Variants in KCNQ1 observed in about 807,000 individuals in gnomAD.
The protein encoded by KCNQ1 is potassium voltage-gated channel subfamily Q member 1.
A neutral mutation model predicts 72.4 loss-of-function variants in KCNQ1; 49 were observed. The observed-to-expected ratio is 0.68, with a 90% CI of 0.54 to 0.86. The LOEUF is 0.86. Ranked by LOEUF, KCNQ1 falls within the 40% of genes least tolerant of loss-of-function variation. The pLI is 0.00. For missense variants in KCNQ1, 790 were observed against 945.1 expected (o/e 0.84, Z 2.15); for synonymous variants, 450 against 412.6 (o/e 1.09, Z -1.10).
At position 2,547,158 on chromosome 11, in the gene KCNQ1, C is replaced by CT. The variant is rs1847911755; in HGVS notation, c.477+19141dup. On this transcript the variant is annotated intron_variant, in intron 2 of 15. Transcript: ENST00000155840. The surrounding 1 kb of genome is among the most constrained non-coding windows in gnomAD (Gnocchi z 4.2). ...AATTACGTGTATTTTGTCACGGTTGCTGTTGTAGTTTTCTTTACAATATGT... is the reference window on the plus strand; with the variant it reads ...AATTACGTGTATTTTGTCACGGTTGCTTGTTGTAGTTTTCTTTACAATATGT... Among the ~76,000 whole-genome samples the CT allele has an allele frequency of 6.6e-6, 1 of 152,142 alleles. No individual in the cohort carries two copies. Among genetic ancestry groups the CT allele is most frequent in the African/African-American group, 2.4e-5 (1 of 41,424 alleles).
chr11:2,521,344 C>A, intron 1 of KCNQ1: 1 of 352,636 alleles, frequency 2.8e-6, no homozygotes, highest in Non-Finnish European at 5.8e-6. Context: ...CTGCTCTGGG[C>A]CTTTGCGCTT....
intron 1 of KCNQ1, among the ~76,000 whole-genome samples, chr11:2,502,271 T>C (rs1847029220): frequency 6.6e-6 from 1 of 152,204 alleles, no homozygotes; most frequent in South Asian, 2.1e-4. Context: ...TGTTTGCAGA[T>C]GATGTGGTCT....
At position 2,815,236 on chromosome 11, in the gene KCNQ1, G is replaced by C. The variant is rs775340677; in HGVS notation, c.1795-32531G>C. 4.0e-4 allele frequency among the ~76,000 whole-genome samples: 61 copies of C among 152,236 alleles called. No homozygotes were observed. The highest frequency in any genetic ancestry group is 8.5e-4 in the Non-Finnish European group (58 of 67,996). On this transcript the variant is annotated intron_variant, in intron 15 of 15. Coordinates refer to ENST00000155840, the MANE Select transcript of KCNQ1 (RefSeq NM_000218.3). This position sits in a 1 kb window ranked among gnomAD's most constrained non-coding sequence, Gnocchi z 5.4. ...AACCTGGGCAGCCTTTATTCTCTAG[G>C]GGCCTTGGGGGTGTCTAGGCTGCCA...
rs972556930 is a variant in KCNQ1, at chr11:2,817,189, C to T, written c.1795-30578C>T. Among the ~76,000 whole-genome samples the T allele has an allele frequency of 1.3e-5, 2 of 152,250 alleles. No individual in the cohort carries two copies. The highest frequency in any genetic ancestry group is 4.8e-5 in the African/African-American group (2 of 41,476). On this transcript the variant is annotated intron_variant, in intron 15 of 15. Coordinates refer to ENST00000155840, the MANE Select transcript of KCNQ1 (RefSeq NM_000218.3). The surrounding 1 kb of genome is among the most constrained non-coding windows in gnomAD (Gnocchi z 6.1). ...TCCTTTCAAGGGTTAACGGTGCAAG[C>T]TCCTCACGGCACCAGTGCGCTTGCC...
intron 11 of KCNQ1, chr11:2,688,904 A>C (rs1286919806): frequency 2.5e-6 from 1 of 398,896 alleles, no homozygotes; most frequent in Non-Finnish European, 4.4e-6. Context: ...AGGTGGGGCT[A>C]GGGCCACCCC....
chr11:2,662,093 C>T lies in KCNQ1; in HGVS notation c.1514+12C>T, dbSNP rs983911530. On this transcript the variant is annotated intron_variant, in intron 11 of 15. Coordinates refer to ENST00000155840, the MANE Select transcript of KCNQ1 (RefSeq NM_000218.3). ...ACCCACATCTCACAGTGAGTGCCTA[C>T]ATGTGCGTGAAGGGCTGGGCTGGAG... 7 of 1,614,052 alleles carry T rather than the reference C, an allele frequency of 4.3e-6. No homozygotes were observed. The highest frequency in any genetic ancestry group is 5.1e-6 in the Non-Finnish European group (6 of 1,180,042).
intron 3 of KCNQ1, 128 bp downstream of exon 3, chr11:2,570,882 G>A (rs1848323947): frequency 3.8e-6 from 5 of 1,299,360 alleles, no homozygotes; most frequent in Non-Finnish European, 5.4e-6. Flanking sequence ...GGGGGTGACT[G>A]CCCAGGACCC....
chr11:2,562,412 G>A lies in KCNQ1; in HGVS notation c.478-8216G>A, dbSNP rs573113961. Among the ~76,000 whole-genome samples the A allele has an allele frequency of 6.6e-5, 10 of 152,310 alleles. No individual in the cohort carries two copies. Among genetic ancestry groups the A allele is most frequent in the African/African-American group, 2.4e-4 (10 of 41,568 alleles). ...GCTGACCCTCCCCGGAGCCGAGGCT[G>A]GCTCTCTCTGTGGCTTATCAGGGCC... On this transcript the variant is annotated intron_variant, in intron 2 of 15. Transcript: ENST00000155840. The surrounding 1 kb of genome is among the most constrained non-coding windows in gnomAD (Gnocchi z 7.5).
At chr11:2,635,463 G>C (rs956320813) in intron 10 of KCNQ1, 1 of 152,122 alleles carries the variant, frequency 6.6e-6, no homozygotes, top group African/African-American at 2.4e-5. Flanking sequence ...TCTTGTTTCT[G>C]TCAGCTTTGT....
At chr11:2,629,135 A>G (rs988154127) in intron 10 of KCNQ1, 17 of 398,194 alleles carry the variant, frequency 4.3e-5, no homozygotes, top group Non-Finnish European at 6.2e-5. Context: ...AAAAAAAGTC[A>G]CTGGAAATTT....
chr11:2,727,475 C>A (rs1055499623), intron 11 of KCNQ1, among the ~76,000 whole-genome samples: 3 of 152,166 alleles, frequency 2.0e-5, no homozygotes, highest in South Asian at 4.1e-4. Context: ...AAATCCTACC[C>A]CAGACTCGAG....
rs1380837401 is a variant in KCNQ1, at chr11:2,492,513, GC to G, written c.387-35410del. ...TGTCCTAATGCTCTCCCTCCCCTTG[GC>G]CCCCATCTCCCCACAGATCCCGGTG... On this transcript the variant is annotated intron_variant, in intron 1 of 15. Transcript: ENST00000155840. This position sits in a 1 kb window ranked among gnomAD's most constrained non-coding sequence, Gnocchi z 4.1. Among the ~76,000 whole-genome samples the G allele has an allele frequency of 6.6e-6, 1 of 151,836 alleles. No homozygotes were observed. The highest frequency in any genetic ancestry group is 2.4e-5 in the African/African-American group (1 of 41,300).
chr11:2,623,465 T>C lies in KCNQ1; in HGVS notation c.1393+34611T>C, dbSNP rs1849208461. ...CAACCCTTGGCAACCACTGAACTTTTTACTGCCTCCATAGCATTGCCTTTT... is the reference window on the plus strand; with the variant it reads ...CAACCCTTGGCAACCACTGAACTTTCTACTGCCTCCATAGCATTGCCTTTT... On this transcript the variant is annotated intron_variant, in intron 10 of 15. Transcript: ENST00000155840. The surrounding 1 kb of genome is among the most constrained non-coding windows in gnomAD (Gnocchi z 5.2). 2 of 398,536 alleles carry C rather than the reference T, an allele frequency of 5.0e-6. No individual in the cohort carries two copies. The highest frequency in any genetic ancestry group is 1.3e-4 in the South Asian group (1 of 7,864). 24.7% of individuals were successfully genotyped at this position (398,536 alleles called of 1,614,324 possible). A position where few individuals can be genotyped will look rare whatever the true frequency, so the allele number is the denominator to read the frequency against.
At chr11:2,779,703 T>C (rs1846785228) in intron 15 of KCNQ1, among the ~76,000 whole-genome samples, 1 of 152,156 alleles carries the variant, frequency 6.6e-6, no homozygotes, top group Admixed American at 6.5e-5. Context: ...GGGGTGATGG[T>C]GGGTGGCAGA....
At chr11:2,568,747 C>A (rs1281303198) in intron 2 of KCNQ1, among the ~76,000 whole-genome samples, 1 of 152,190 alleles carries the variant, frequency 6.6e-6, no homozygotes, top group Admixed American at 6.5e-5. Context: ...AGCCTCTTCT[C>A]TAAGGAGCTC....
intron 15 of KCNQ1, among the ~76,000 whole-genome samples, chr11:2,778,358 C>A (rs1846751335): frequency 6.6e-6 from 1 of 152,258 alleles, no homozygotes; most frequent in East Asian, 1.9e-4. Context: ...TTGTGCTCTG[C>A]GAGCCTCCTG....
At position 2,650,069 on chromosome 11, in the gene KCNQ1, G is replaced by A. The variant is rs778147214; in HGVS notation, c.1394-11892G>A. On this transcript the variant is annotated intron_variant, in intron 10 of 15. Coordinates refer to ENST00000155840, the MANE Select transcript of KCNQ1 (RefSeq NM_000218.3). ...ATTATTTCTTCTGCTTGACTTAGCC[G>A]GCTTTTGAAGCTTTCAATTGTATTT... 35 of 397,916 alleles carry A rather than the reference G, an allele frequency of 8.8e-5. 1 individual carries two copies. Among genetic ancestry groups the A allele is most frequent in the South Asian group, 6.4e-4 (5 of 7,842 alleles). 24.6% of individuals were successfully genotyped at this position (397,916 alleles called of 1,614,324 possible).
rs543671614 is a variant in KCNQ1, at chr11:2,598,611, A to G, written c.1393+9757A>G. 2.9e-4 allele frequency among the ~76,000 whole-genome samples: 41 copies of G among 140,284 alleles called. No individual in the cohort carries two copies. The East Asian group carries it at 7.0e-3, about 24-fold the overall frequency. The allele number at this position is 140,284 out of a possible 152,430, so 92.0% of individuals were successfully genotyped here. A position where few individuals can be genotyped will look rare whatever the true frequency, so the allele number is the denominator to read the frequency against. On this transcript the variant is annotated intron_variant, in intron 10 of 15. Transcript: ENST00000155840. This position sits in a 1 kb window ranked among gnomAD's most constrained non-coding sequence, Gnocchi z 6.2. ...TTTAGGTCTGCTCTGCCCTTAGTTA[A>G]AAAAAAAAAACCCTAATACATCTGC...
At chr11:2,700,055 C>T (rs1220433128) in intron 11 of KCNQ1, 3 of 398,018 alleles carry the variant, frequency 7.5e-6, no homozygotes, top group African/African-American at 6.2e-5. Context: ...CGACCGCCCC[C>T]CACCTGCTGA....
Sources: allele counts gnomAD v4.1 joint callset (sites outside exome capture counted in the v4.1 genomes callset), GRCh38; gene constraint gnomAD v4.1.1; non-coding constraint Gnocchi (gnomAD v3.1); transcripts MANE v1.5; gene names NCBI Gene and HGNC (gene_info 2026-07-23, HGNC 2026-07-21).